Variants in TSHZ2 observed in about 807,000 individuals in gnomAD.
TSHZ2 encodes the protein teashirt zinc finger homeobox 2.
TSHZ2 carries 21 observed loss-of-function variants against 74.4 expected under a neutral mutation model. That is an observed-to-expected ratio of 0.28 (90% CI 0.20 to 0.41). The LOEUF is 0.41. TSHZ2 is among the 10% of genes least tolerant of loss of function. TSHZ2 has a pLI of 1.00. For synonymous variants in TSHZ2, 540 were observed against 515.3 expected (o/e 1.05, Z -0.65); for missense variants, 1,244 against 1,293.5 (o/e 0.96, Z 0.59).
At chr20:53,197,951 C>T (rs1488152478) in intron 1 of TSHZ2, among the ~76,000 whole-genome samples, 2 of 152,090 alleles carry the variant, frequency 1.3e-5, no homozygotes, top group South Asian at 2.1e-4. Flanking sequence ...GAAGGTGACC[C>T]GACAGGCAAT....
At chr20:53,344,931 C>T (rs1980377752) in intron 2 of TSHZ2, among the ~76,000 whole-genome samples, 1 of 152,172 alleles carries the variant, frequency 6.6e-6, no homozygotes. Flanking sequence ...AAATAAAATA[C>T]GTGGGTAGAT....
In TSHZ2 at chr20:53,238,151, T is replaced by C. The variant is rs560087759; in HGVS notation, c.41-15348T>C. On this transcript the variant is annotated intron_variant, in intron 1 of 2. Coordinates refer to ENST00000371497, the MANE Select transcript of TSHZ2 (RefSeq NM_173485.6). ...CAAGCAATGTACCAATGGTTTGAGCTTAGTTTACTCAAACATGCCAAGAAA... is the reference window on the plus strand; with the variant it reads ...CAAGCAATGTACCAATGGTTTGAGCCTAGTTTACTCAAACATGCCAAGAAA... Among the ~76,000 whole-genome samples the C allele has an allele frequency of 1.8e-4, 28 of 152,322 alleles. No homozygotes were observed. In the South Asian group the frequency reaches 3.9e-3, roughly 21 times the overall value.
At chr20:53,410,702 G>A (rs1983026293) in intron 2 of TSHZ2, among the ~76,000 whole-genome samples, 1 of 146,336 alleles carries the variant, frequency 6.8e-6, no homozygotes, top group Non-Finnish European at 1.5e-5. Flanking sequence ...TTGGCACGGA[G>A]TCTCGCTCTG....
chr20:53,171,530 T>C (rs886633055), intron 1 of TSHZ2, among the ~76,000 whole-genome samples: 1 of 144,636 alleles, frequency 6.9e-6, no homozygotes, highest in Non-Finnish European at 1.5e-5. Flanking sequence ...TTATCCTAAA[T>C]GCATTACCTT....
intron 1 of TSHZ2, among the ~76,000 whole-genome samples, chr20:53,208,878 C>T (rs983388718): frequency 1.3e-5 from 2 of 152,192 alleles, no homozygotes; most frequent in Admixed American, 6.5e-5. Context: ...CAGCTCTGGG[C>T]GTCTCTGGGC....
intron 2 of TSHZ2, among the ~76,000 whole-genome samples, chr20:53,396,038 G>A (rs1272004394): frequency 7.2e-5 from 11 of 152,268 alleles, no homozygotes; most frequent in Middle Eastern, 3.4e-3. Flanking sequence ...CAGGTCCACC[G>A]CATTCTCCTG....
rs1043794016 is a variant in TSHZ2 at position 53,475,023 on chromosome 20, C to G, written c.*9-12121C>G. Among the ~76,000 whole-genome samples, 2 of 138,142 alleles carry G rather than the reference C, an allele frequency of 1.4e-5. 1 individual carries two copies. The highest frequency in any genetic ancestry group is 5.7e-5 in the African/African-American group (2 of 35,282). The allele number at this position is 138,142 out of a possible 152,430, so 90.6% of individuals were successfully genotyped here. A position where few individuals can be genotyped will look rare whatever the true frequency, so the allele number is the denominator to read the frequency against. On this transcript the variant is annotated intron_variant, in intron 2 of 2. Coordinates refer to ENST00000371497, the MANE Select transcript of TSHZ2 (RefSeq NM_173485.6). The stretch of plus-strand genomic sequence containing the variant: ...ATTCATAAAGCAAGTTCTGAGTGAC[C>G]TACAAAGAGACTTAGACTCCCACAC...
chr20:53,485,105 A>T (rs2145861384), intron 2 of TSHZ2, among the ~76,000 whole-genome samples: 1 of 152,370 alleles, frequency 6.6e-6, no homozygotes, highest in South Asian at 2.1e-4. Context: ...CCTGTTATTA[A>T]GTAGCACTTC....
At chr20:53,294,898 A>G (rs981818984) in intron 2 of TSHZ2, among the ~76,000 whole-genome samples, 5 of 152,180 alleles carry the variant, frequency 3.3e-5, no homozygotes, top group African/African-American at 1.2e-4. Context: ...CCTGCTTCCA[A>G]CAACACTACT....
At chr20:53,385,447 G>A (rs189143913) in intron 2 of TSHZ2, among the ~76,000 whole-genome samples, 21 of 152,230 alleles carry the variant, frequency 1.4e-4, no homozygotes, top group South Asian at 8.3e-4. Context: ...GATCACTCAC[G>A]CCTCCCTCGG....
intron 1 of TSHZ2, among the ~76,000 whole-genome samples, chr20:53,174,790 T>C (rs1343966726): frequency 6.6e-6 from 1 of 152,130 alleles, no homozygotes; most frequent in Non-Finnish European, 1.5e-5. Flanking sequence ...GTGTAATATT[T>C]AGACAAATCC....
At chr20:53,238,211 G>T (rs754115057) in intron 1 of TSHZ2, among the ~76,000 whole-genome samples, 4 of 152,152 alleles carry the variant, frequency 2.6e-5, no homozygotes, top group Admixed American at 6.5e-5. Context: ...TGCATTCTTT[G>T]ATTCAAAGTA....
intron 1 of TSHZ2, among the ~76,000 whole-genome samples, chr20:53,153,046 G>A (rs1053777473): frequency 2.6e-5 from 4 of 152,250 alleles, no homozygotes; most frequent in East Asian, 1.9e-4. Flanking sequence ...CATGTGCCCA[G>A]GTCCAGAATC....
At chr20:53,466,114 G>T (rs1344730586) in intron 2 of TSHZ2, among the ~76,000 whole-genome samples, 1 of 152,078 alleles carries the variant, frequency 6.6e-6, no homozygotes, top group African/African-American at 2.4e-5. Context: ...GGGTGTGATG[G>T]CACATGCCTG....
chr20:53,186,178 G>T (rs987359710), intron 1 of TSHZ2, among the ~76,000 whole-genome samples: 21 of 152,332 alleles, frequency 1.4e-4, no homozygotes, highest in Non-Finnish European at 2.6e-4. Flanking sequence ...GTTGCTATTT[G>T]TGTGCATCTC....
At chr20:53,128,577 C>A (rs1252467503) in intron 1 of TSHZ2, among the ~76,000 whole-genome samples, 1 of 151,970 alleles carries the variant, frequency 6.6e-6, no homozygotes, top group African/African-American at 2.4e-5. Flanking sequence ...TTTGGGGTAT[C>A]AATTCGCTAT....
At chr20:53,347,485 T>A (rs533694582) in intron 2 of TSHZ2, among the ~76,000 whole-genome samples, 2 of 152,038 alleles carry the variant, frequency 1.3e-5, no homozygotes, top group African/African-American at 4.8e-5. Context: ...AGCAGACAAG[T>A]CCTTATCCAC....
At chr20:53,338,748 A>G (rs1486341532) in intron 2 of TSHZ2, among the ~76,000 whole-genome samples, 1 of 152,168 alleles carries the variant, frequency 6.6e-6, no homozygotes, top group Non-Finnish European at 1.5e-5. Flanking sequence ...TCCAAATGTC[A>G]GGAGTACTCA....
rs530895751 is a variant in TSHZ2 at position 53,370,456 on chromosome 20, C to T, written c.*8+113885C>T. On this transcript the variant is annotated intron_variant, in intron 2 of 2. Transcript: ENST00000371497. ...CTCTCCGTTCATAAATATTAGCAACCGCTTTAATTAAAAACTAAACAAGGC... is the reference window on the plus strand; with the variant it reads ...CTCTCCGTTCATAAATATTAGCAACTGCTTTAATTAAAAACTAAACAAGGC... Among the ~76,000 whole-genome samples, 7 of 152,098 alleles carry T rather than the reference C, an allele frequency of 4.6e-5. No individual in the cohort carries two copies. In the East Asian group the frequency reaches 5.8e-4, roughly 13 times the overall value.
Sources: gnomAD v4.1 joint callset for allele counts (sites outside exome capture counted in the v4.1 genomes callset) on GRCh38, gnomAD v4.1.1 for gene constraint, MANE v1.5 for transcripts, NCBI Gene and HGNC (gene_info 2026-07-23, HGNC 2026-07-21) for gene names.